The following HTR1D variants were observed in gnomAD, a reference collection of about 807,000 sequenced individuals.
HTR1D encodes 5-HT-1D.
In HTR1D, 18 loss-of-function variants were observed where a neutral mutation model predicts 21.1. The observed-to-expected ratio is 0.85, with a 90% confidence interval of 0.59 to 1.27. HTR1D has a LOEUF of 1.27. Among genes scored for constraint, HTR1D ranks in the 50% most tolerant of loss-of-function variants. The pLI is 0.00. For missense variants in HTR1D, 456 were observed against 481.4 expected (o/e 0.95, Z 0.49); for synonymous variants, 196 against 204.4 (o/e 0.96, Z 0.35).
intron 1 of HTR1D, among the ~76,000 whole-genome samples, chr1:23,196,710 G>T (rs1195193474): frequency 6.6e-6 from 1 of 152,158 alleles, no homozygotes; most frequent in Non-Finnish European, 1.5e-5. Context: ...CCTGTAAAGT[G>T]GGCAACGTGG....
At chr1:23,198,093 C>T (rs1373641549) in intron 1 of HTR1D, among the ~76,000 whole-genome samples, 4 of 149,782 alleles carry the variant, frequency 2.7e-5, no homozygotes, top group Non-Finnish European at 5.9e-5. Flanking sequence ...AAGTGTGGGC[C>T]GGGCGCAATG....
chr1:23,196,820 G>A (rs1644690671), intron 1 of HTR1D, among the ~76,000 whole-genome samples: 2 of 152,118 alleles, frequency 1.3e-5, no homozygotes, highest in Non-Finnish European at 2.9e-5. Flanking sequence ...GAGCTCTCAA[G>A]AAATTTCTAC....
rs993224622 is a variant in HTR1D, at chr1:23,204,211, C to T, written c.-782-9210G>A. Reference sequence around the variant, plus strand: ...CACAATCTCGGCTCACTGCAAGCTCCGCCTCCCAGGTTCACGCCATTCTCC... The same window carrying T: ...CACAATCTCGGCTCACTGCAAGCTCTGCCTCCCAGGTTCACGCCATTCTCC... On this transcript the variant is annotated intron_variant, in intron 1 of 1. Transcript: ENST00000374619. Among the ~76,000 whole-genome samples, 14 of 152,020 alleles carry T rather than the reference C, an allele frequency of 9.2e-5. No homozygotes were observed. The East Asian group carries it at 9.7e-4, about 10-fold the overall frequency.
chr1:23,205,157 T>C (rs1239422250), intron 1 of HTR1D, among the ~76,000 whole-genome samples: 1 of 152,034 alleles, frequency 6.6e-6, no homozygotes, highest in Non-Finnish European at 1.5e-5. Context: ...AAACCAAACA[T>C]TGTATGTTCT....
At chr1:23,200,578 C>T (rs909732979) in intron 1 of HTR1D, among the ~76,000 whole-genome samples, 32 of 152,174 alleles carry the variant, frequency 2.1e-4, no homozygotes, top group African/African-American at 7.2e-4. Flanking sequence ...CTCCCTGTGT[C>T]GCCCAGGCTG....
chr1:23,204,495 A>T (rs953419214), intron 1 of HTR1D, among the ~76,000 whole-genome samples: 2 of 152,174 alleles, frequency 1.3e-5, no homozygotes, highest in Non-Finnish European at 2.9e-5. Context: ...CACATGAGTG[A>T]CAGGTAGGTG....
rs71020483 is a variant in HTR1D at position 23,199,415 on chromosome 1, CTTTTTTTTTTTTTTTTTTT to C, written c.-782-4433_-782-4415del. Among the ~76,000 whole-genome samples the C allele has an allele frequency of 9.9e-3, 458 of 46,324 alleles. 10 individuals are homozygous for C. The highest frequency in any genetic ancestry group is 0.038 in the African/African-American group (433 of 11,248). 30.4% of individuals were successfully genotyped at this position (46,324 alleles called of 152,430 possible). ...ACAGGTGTGAGCCGCCATGTGTGGT[CTTTTTTTTTTTTTTTTTTT>C]TTTTTTTTTTTTTTTTTTTAGAGAG... is the stretch of plus-strand genomic sequence containing the variant. On this transcript the variant is annotated intron_variant, in intron 1 of 1. Coordinates refer to ENST00000374619, the MANE Select transcript of HTR1D (RefSeq NM_000864.5).
At chr1:23,206,665 C>T (rs894251100) in intron 1 of HTR1D, among the ~76,000 whole-genome samples, 4 of 152,090 alleles carry the variant, frequency 2.6e-5, no homozygotes, top group South Asian at 2.1e-4. Context: ...CCAAGTCACC[C>T]TTCAGAGCTA....
rs1449247108 is a variant in HTR1D, at chr1:23,217,275, G to A, written c.-783+16C>T. 6.6e-6 allele frequency among the ~76,000 whole-genome samples: 1 copy of A among 151,664 alleles called. No individual in the cohort carries two copies. The highest frequency in any genetic ancestry group is 2.0e-4 in the East Asian group (1 of 5,090). ...GCCGCTGGGGCCAGGCTGCAGACGC[G>A]GCCCCGAGAGCTTACCCGCTGCCCG... On this transcript the variant is annotated intron_variant, in intron 1 of 1. Transcript: ENST00000374619. The surrounding 1 kb of genome is among the most constrained non-coding windows in gnomAD (Gnocchi z 4.6).
Position 23,192,851 on chromosome 1 carries a change from G to T in HTR1D, c.*235C>A. The T allele has an allele frequency of 4.8e-6, 1 of 206,398 alleles. No homozygotes were observed. The highest frequency in any genetic ancestry group is 8.8e-6 in the Non-Finnish European group (1 of 113,526). 12.8% of individuals were successfully genotyped at this position (206,398 alleles called of 1,614,324 possible). On this transcript the variant is annotated 3_prime_UTR_variant, in exon 2 of 2. Transcript: ENST00000374619. ...ACTCCGTCTCAAAAAAAAAAAAAAA[G>T]AAAGAAAATATTATGCTAAGTAGTG...
At chr1:23,196,169 G>A (rs746826038) in intron 1 of HTR1D, among the ~76,000 whole-genome samples, 1 of 152,078 alleles carries the variant, frequency 6.6e-6, no homozygotes, top group Non-Finnish European at 1.5e-5. Flanking sequence ...CACCAGCTGG[G>A]TGCGGTGGCT....
chr1:23,201,436 C>T (rs147764032), intron 1 of HTR1D, among the ~76,000 whole-genome samples: 45 of 152,302 alleles, frequency 3.0e-4, no homozygotes, highest in Non-Finnish European at 4.9e-4. Context: ...TGTCCATGAG[C>T]GACCTTCTAT....
At position 23,205,636 on chromosome 1, in the gene HTR1D, C is replaced by T. The variant is rs544532184; in HGVS notation, c.-782-10635G>A. Among the ~76,000 whole-genome samples, 57 of 152,224 alleles carry T rather than the reference C, an allele frequency of 3.7e-4. 1 individual carries two copies. In the South Asian group the frequency reaches 9.1e-3, roughly 24 times the overall value. ...TTAGCTCATTGCAACTTCCGCCTCC[C>T]GGGTTCAAGTGATTCTCCTGCCTCA... is the stretch of plus-strand genomic sequence containing the variant. On this transcript the variant is annotated intron_variant, in intron 1 of 1. Transcript: ENST00000374619.
At chr1:23,200,957 A>T (rs1208201238) in intron 1 of HTR1D, among the ~76,000 whole-genome samples, 2 of 152,200 alleles carry the variant, frequency 1.3e-5, no homozygotes, top group Middle Eastern at 3.4e-3. Flanking sequence ...TGAAGTCCAG[A>T]TCACATGGAC....
chr1:23,200,537 G>GTTTA lies in HTR1D; in HGVS notation c.-782-5540_-782-5537dup, dbSNP rs546532947. Among the ~76,000 whole-genome samples, 119 of 152,148 alleles carry GTTTA rather than the reference G, an allele frequency of 7.8e-4. 1 individual carries two copies. In the South Asian group the frequency reaches 0.021, roughly 26 times the overall value. Reference sequence around the variant, plus strand: ...TATAGTCAATGGTTTCTTTTTGTTTGTTTATTTATTTATTTATTTATGGAT... The same window carrying GTTTA: ...TATAGTCAATGGTTTCTTTTTGTTTGTTTATTTATTTATTTATTTATTTATGGAT... On this transcript the variant is annotated intron_variant, in intron 1 of 1. Transcript: ENST00000374619.
intron 1 of HTR1D, among the ~76,000 whole-genome samples, chr1:23,207,996 C>A (rs1487645922): frequency 6.6e-6 from 1 of 152,066 alleles, no homozygotes; most frequent in African/African-American, 2.4e-5. Flanking sequence ...CTCTTGACCT[C>A]AGGTGATCCG....
In HTR1D at chr1:23,193,769, T is replaced by C; in HGVS notation, c.451A>G (p.Thr151Ala). The change falls in exon 2 of 2, where the codon ACG (threonine) becomes GCG (alanine). Residue 151 changes from threonine (T) to alanine (A), a missense_variant. By Grantham distance (58) the Thr-to-Ala change is moderately conservative. Coordinates refer to ENST00000374619, the MANE Select transcript of HTR1D (RefSeq NM_000864.5). ...TDALEYSKRR[T>A]AGHAATMIAI... is the part of the protein sequence containing the mutation. ...ATCATGGTGGCCGCGTGGCCAGCCG[T>C]CCTGCGTTTACTGTATTCCAGGGCA... is the stretch of plus-strand genomic sequence containing the variant. 6.2e-7 allele frequency: 1 copy of C among 1,614,108 alleles called. No homozygotes were observed. The highest frequency in any genetic ancestry group is 8.5e-7 in the Non-Finnish European group (1 of 1,180,004).
At chr1:23,215,645 A>C (rs886337202) in intron 1 of HTR1D, among the ~76,000 whole-genome samples, 1 of 152,228 alleles carries the variant, frequency 6.6e-6, no homozygotes, top group Non-Finnish European at 1.5e-5. Context: ...CTAGGAGAGA[A>C]GGGATGAGCC....
chr1:23,214,617 G>A (rs1287883027), intron 1 of HTR1D, among the ~76,000 whole-genome samples: 1 of 152,014 alleles, frequency 6.6e-6, no homozygotes, highest in East Asian at 1.9e-4. Context: ...ACCTTGACCA[G>A]CCAACATAAA....
Sources: allele counts gnomAD v4.1 joint callset (sites outside exome capture counted in the v4.1 genomes callset), GRCh38; gene constraint gnomAD v4.1.1; non-coding constraint Gnocchi (gnomAD v3.1); transcripts MANE v1.5; gene names NCBI Gene and HGNC (gene_info 2026-07-23, HGNC 2026-07-21).